Variants in SRL observed in about 807,000 individuals in gnomAD.
SRL encodes sarcalumenin.
SRL carries 23 observed loss-of-function variants against 39.5 expected under a neutral mutation model. The observed-to-expected ratio is 0.58, with a 90% confidence interval of 0.42 to 0.82. The LOEUF is 0.82. Ranked by LOEUF, SRL falls within the 40% of genes least tolerant of loss-of-function variation. The pLI is 0.00. For missense variants in SRL, 592 were observed against 607.8 expected (o/e 0.97, Z 0.27); for synonymous variants, 272 against 237.4 (o/e 1.15, Z -1.34).
chr16:4,225,508 C>T (rs539158500), intron 1 of SRL, among the ~76,000 whole-genome samples: 95 of 152,226 alleles, frequency 6.2e-4, no homozygotes, highest in South Asian at 1.5e-3. Flanking sequence ...CGCCTGAGCC[C>T]GGGAGTTTGA....
chr16:4,204,800 A>C (rs146439887), intron 1 of SRL, among the ~76,000 whole-genome samples, 166 bp from the exon 2 acceptor site: 1 of 152,006 alleles, frequency 6.6e-6, no homozygotes, highest in African/African-American at 2.4e-5. Flanking sequence ...GATCATCCAG[A>C]CTCTATGAAG....
At chr16:4,224,460 C>T (rs558278802) in intron 1 of SRL, among the ~76,000 whole-genome samples, 2 of 152,212 alleles carry the variant, frequency 1.3e-5, no homozygotes, top group East Asian at 3.9e-4. Context: ...AATCCCAGCA[C>T]TTTGGGAGGC....
At chr16:4,199,447 T>A (rs1025531138) in intron 3 of SRL, among the ~76,000 whole-genome samples, 7 of 135,122 alleles carry the variant, frequency 5.2e-5, no homozygotes, top group Non-Finnish European at 3.1e-5. Context: ...TCATAGCTCA[T>A]ATAGCCTCAA....
intron 1 of SRL, among the ~76,000 whole-genome samples, chr16:4,236,970 C>A (rs1381997873): frequency 6.7e-6 from 1 of 148,870 alleles, no homozygotes; most frequent in African/African-American, 2.5e-5. Flanking sequence ...GAGACAAGGT[C>A]TCACTCAGTT....
chr16:4,240,787 G>A (rs1004356913), intron 1 of SRL, among the ~76,000 whole-genome samples: 2 of 152,164 alleles, frequency 1.3e-5, no homozygotes, highest in African/African-American at 2.4e-5. Context: ...GGGTGGCAGC[G>A]GCTTGGGGCT....
intron 1 of SRL, chr16:4,239,765 T>C (rs1047384067): frequency 1.3e-5 from 2 of 152,406 alleles, no homozygotes; most frequent in Non-Finnish European, 2.9e-5. Flanking sequence ...AGTTTTCCTG[T>C]TTCTCTGGGT....
At chr16:4,197,670 A>C in intron 4 of SRL, 129 bp downstream of exon 4, 2 of 743,716 alleles carry the variant, frequency 2.7e-6, no homozygotes, top group Non-Finnish European at 4.7e-6. Flanking sequence ...CAAGTGATCC[A>C]CTGCCTTGGC....
At chr16:4,202,171 C>T (rs2052243520) in intron 3 of SRL, among the ~76,000 whole-genome samples, 1 of 152,220 alleles carries the variant, frequency 6.6e-6, no homozygotes, top group Admixed American at 6.5e-5. Context: ...TCCACACACA[C>T]AGCTCACCTA....
At chr16:4,202,778 A>T (rs2052254170) in intron 3 of SRL, among the ~76,000 whole-genome samples, 1 of 152,146 alleles carries the variant, frequency 6.6e-6, no homozygotes, top group South Asian at 2.1e-4. Flanking sequence ...GAACGGAGTG[A>T]TCAGAGGACT....
rs568490501 is a variant in SRL, at chr16:4,190,259, G to A, written c.*1894C>T. 50 of 398,896 alleles carry A rather than the reference G, an allele frequency of 1.3e-4. No individual in the cohort carries two copies. Among genetic ancestry groups the A allele is most frequent in the African/African-American group, 1.0e-3 (49 of 48,748 alleles). The allele number at this position is 398,896 out of a possible 1,614,324, so 24.7% of individuals were successfully genotyped here. A position where few individuals can be genotyped will look rare whatever the true frequency, so the allele number is the denominator to read the frequency against. ...TTCTCCTCATAGACCTAACCTGACT[G>A]CCAACTGGCTTACCCTGCCTGACCT... On this transcript the variant is annotated 3_prime_UTR_variant, in exon 6 of 6. Coordinates refer to ENST00000399609, the MANE Select transcript of SRL (RefSeq NM_001098814.2).
chr16:4,212,021 C>T (rs192812079), intron 1 of SRL, among the ~76,000 whole-genome samples: 3 of 152,310 alleles, frequency 2.0e-5, no homozygotes, highest in African/African-American at 7.2e-5. Context: ...GCCACACAGT[C>T]CCAAGGGGGA....
chr16:4,199,246 C>T (rs2052188567), intron 3 of SRL, among the ~76,000 whole-genome samples: 1 of 152,120 alleles, frequency 6.6e-6, no homozygotes, highest in African/African-American at 2.4e-5. Flanking sequence ...CATCTCCATC[C>T]CAGTCTGCCT....
chr16:4,210,149 A>G (rs75148228), intron 1 of SRL, among the ~76,000 whole-genome samples: 79 of 152,336 alleles, frequency 5.2e-4, no homozygotes, highest in African/African-American at 1.8e-3. Flanking sequence ...CTGGTCCCTT[A>G]GTGGGGGACA....
chr16:4,192,882 A>G lies in SRL; in HGVS notation c.693T>C (p.Asp231=), dbSNP rs1176533096. ...IFVVFDPTKL[D]VGLELEMLFR... ...AGAGCATCTCCAGCTCTAGACCCAC[A>G]TCCAGCTTTGTTGGGTCAAAGACGA... The change falls in exon 6 of 6, where the codon GAT becomes GAC. Residue 231 remains aspartate, a synonymous_variant. Transcript: ENST00000399609. The surrounding 1 kb of genome is among the most constrained non-coding windows in gnomAD (Gnocchi z 4.0). The G allele has an allele frequency of 1.2e-6, 2 of 1,614,158 alleles. No individual in the cohort carries two copies. The highest frequency in any genetic ancestry group is 2.2e-5 in the East Asian group (1 of 44,886).
intron 1 of SRL, among the ~76,000 whole-genome samples, chr16:4,228,422 C>T (rs1028980328): frequency 5.9e-5 from 9 of 151,724 alleles, no homozygotes; most frequent in East Asian, 3.9e-4. Flanking sequence ...GGCGACAGAG[C>T]GAGACTCCAC....
Position 4,196,568 on chromosome 16 carries a change from G to A in SRL, c.377-782C>T, listed in dbSNP as rs146382546. On this transcript the variant is annotated intron_variant, in intron 4 of 5. Transcript: ENST00000399609. ...ATGATCTCAGCTCACTGCAACCTCC[G>A]CCCCCGGGTTCAAGCGATTCTCCTG... Among the ~76,000 whole-genome samples the A allele has an allele frequency of 8.3e-3, 1,152 of 138,562 alleles. 15 individuals are homozygous for A. The highest frequency in any genetic ancestry group is 0.028 in the African/African-American group (1,048 of 37,206). The allele number at this position is 138,562 out of a possible 152,430, so 90.9% of individuals were successfully genotyped here.
At chr16:4,209,776 AC>A (rs1210076114) in intron 1 of SRL, among the ~76,000 whole-genome samples, 1 of 152,150 alleles carries the variant, frequency 6.6e-6, no homozygotes, top group Non-Finnish European at 1.5e-5. Flanking sequence ...TGGCCATTTA[AC>A]CTTCTTTACG....
At chr16:4,200,114 T>C (rs2141027928) in intron 3 of SRL, among the ~76,000 whole-genome samples, 1 of 152,314 alleles carries the variant, frequency 6.6e-6, no homozygotes, top group East Asian at 1.9e-4. Context: ...GTCTTATACA[T>C]GGCAGGCACA....
chr16:4,205,724 G>C (rs2052310331), intron 1 of SRL, among the ~76,000 whole-genome samples: 1 of 152,162 alleles, frequency 6.6e-6, no homozygotes, highest in African/African-American at 2.4e-5. Context: ...GACCGGGCAG[G>C]ACCTTCCACA....
Sources: allele counts gnomAD v4.1 joint callset (sites outside exome capture counted in the v4.1 genomes callset), GRCh38; gene constraint gnomAD v4.1.1; non-coding constraint Gnocchi (gnomAD v3.1); transcripts MANE v1.5; gene names NCBI Gene and HGNC (gene_info 2026-07-23, HGNC 2026-07-21).